BTAF1: variants seen among roughly 807,000 people sequenced by gnomAD.
BTAF1 encodes the protein TATA-binding protein-associated factor 172.
A neutral mutation model predicts 227.1 loss-of-function variants in BTAF1; 38 were observed. The observed-to-expected ratio is 0.17, with a 90% CI of 0.13 to 0.22. The LOEUF (loss-of-function observed/expected upper bound fraction) is 0.22, where lower values mean the gene tolerates loss of function less well. Ranked by LOEUF, BTAF1 falls within the 10% of genes least tolerant of loss-of-function variation. BTAF1 has a pLI of 1.00. For missense variants in BTAF1, 1,598 were observed against 2,204.0 expected, an observed-to-expected ratio of 0.73 and a Z score of 5.51; for synonymous variants, 742 against 751.9, an observed-to-expected ratio of 0.99 and a Z score of 0.21.
At chr10:92,010,335 TTCAAC>T (rs1439669543) in intron 28 of BTAF1, among the ~76,000 whole-genome samples, 3 of 152,190 alleles carry the variant, frequency 2.0e-5, no homozygotes, top group Non-Finnish European at 2.9e-5. Flanking sequence ...GTGATAGAAA[TTCAAC>T]TCAATTCTCA....
At chr10:91,941,744 T>A (rs1845015393) in intron 3 of BTAF1, among the ~76,000 whole-genome samples, 1 of 152,220 alleles carries the variant, frequency 6.6e-6, no homozygotes, top group Admixed American at 6.5e-5. Context: ...ACCTTAGTAT[T>A]TTTAAACTCT....
intron 21 of BTAF1, among the ~76,000 whole-genome samples, chr10:91,993,205 A>T (rs926785665): frequency 1.8e-4 from 28 of 152,312 alleles, no homozygotes; most frequent in African/African-American, 2.4e-4. Context: ...ACATAATTTT[A>T]AAAATATAAA....
intron 1 of BTAF1, among the ~76,000 whole-genome samples, chr10:91,934,331 T>C (rs1368373590): frequency 6.6e-6 from 1 of 151,992 alleles, no homozygotes; most frequent in Non-Finnish European, 1.5e-5. Context: ...GCCTCCCGGA[T>C]TCAGAAGCAA....
At chr10:91,957,848 C>T (rs556146492) in intron 8 of BTAF1, among the ~76,000 whole-genome samples, 24 of 152,302 alleles carry the variant, frequency 1.6e-4, no homozygotes, top group African/African-American at 5.8e-4. Flanking sequence ...AGTCATAACT[C>T]ATGGGGTGTT....
intron 34 of BTAF1, among the ~76,000 whole-genome samples, chr10:92,023,776 C>T (rs544056544): frequency 1.3e-5 from 2 of 152,242 alleles, no homozygotes; most frequent in Admixed American, 6.5e-5. Flanking sequence ...GCTGGGACTA[C>T]AGGTGCATGC....
intron 25 of BTAF1, among the ~76,000 whole-genome samples, chr10:92,005,023 T>A (rs1849784843): frequency 6.6e-6 from 1 of 152,222 alleles, no homozygotes; most frequent in Admixed American, 6.5e-5. Flanking sequence ...CCTTGTGTGT[T>A]CTTTTGTCAA....
At chr10:92,000,065 C>T (rs537723086) in intron 25 of BTAF1, among the ~76,000 whole-genome samples, 5 of 152,122 alleles carry the variant, frequency 3.3e-5, no homozygotes, top group East Asian at 3.9e-4. Context: ...TAAACTGTTT[C>T]TTAGATTATT....
chr10:92,028,776 C>A lies in BTAF1; in HGVS notation c.5407-14C>A. On this transcript the variant is annotated splice_polypyrimidine_tract_variant and intron_variant, in intron 37 of 37. Transcript: ENST00000265990. ...CTCATTTTATTTTTTTTTTTTTTGC[C>A]AATTTTTCTTAAGGATGGCAAAGCA... 1 of 1,500,974 alleles carries A rather than the reference C, an allele frequency of 6.7e-7. No homozygotes were observed. The highest frequency in any genetic ancestry group is 1.3e-5 in the South Asian group (1 of 74,722). 93.0% of individuals were successfully genotyped at this position (1,500,974 alleles called of 1,614,324 possible).
intron 1 of BTAF1, 150 bp from the exon 2 acceptor site, chr10:91,935,507 C>A: frequency 1.3e-6 from 1 of 760,884 alleles, no homozygotes; most frequent in Non-Finnish European, 1.9e-6. Context: ...CTTTCTGTGT[C>A]TGGCTTATTT....
rs751727866 is a variant in BTAF1 at position 92,008,279 on chromosome 10, A to G, written c.3813+4A>G. ...TGAACTCAGAAAATATCAGCAGGTA[A>G]GTTTTATACAATAGTGAGTTTTCCT... On this transcript the variant is annotated splice_donor_region_variant and intron_variant, in intron 26 of 37. Transcript: ENST00000265990. 3 of 1,564,550 alleles carry G rather than the reference A, an allele frequency of 1.9e-6. No individual in the cohort carries two copies. The highest frequency in any genetic ancestry group is 2.6e-6 in the Non-Finnish European group (3 of 1,165,570).
At chr10:91,997,483 C>A in intron 24 of BTAF1, 120 bp from the exon 25 acceptor site, 2 of 846,392 alleles carry the variant, frequency 2.4e-6, no homozygotes, top group Non-Finnish European at 3.6e-6. Context: ...TCAGTCTTTT[C>A]CCTCATAATA....
Position 91,950,148 on chromosome 10 carries a change from TG to T in BTAF1, c.401-1246del, listed in dbSNP as rs368819509. 4.0e-3 allele frequency among the ~76,000 whole-genome samples: 98 copies of T among 24,426 alleles called. 2 individuals are homozygous for T. The highest frequency in any genetic ancestry group is 9.7e-3 in the African/African-American group (92 of 9,494). The allele number at this position is 24,426 out of a possible 152,430, so 16.0% of individuals were successfully genotyped here. A position where few individuals can be genotyped will look rare whatever the true frequency, so the allele number is the denominator to read the frequency against. On this transcript the variant is annotated intron_variant, in intron 4 of 37. Transcript: ENST00000265990. ...TCAGAGTGAGAGACCTTGTCCTTTGTGGGGGGGGGCGGGAAAGAAGACTAGG... is the reference window on the plus strand; with the variant it reads ...TCAGAGTGAGAGACCTTGTCCTTTGTGGGGGGGGCGGGAAAGAAGACTAGG...
Position 92,012,067 on chromosome 10 carries a change from C to T in BTAF1, c.4311+652C>T, listed in dbSNP as rs1005366549. ...CTTTATGTACTTACCTACTCTTTCT[C>T]TCTCTCCCTCCTTCCCTCCCTCCCT... On this transcript the variant is annotated intron_variant, in intron 30 of 37. Transcript: ENST00000265990. Among the ~76,000 whole-genome samples the T allele has an allele frequency of 4.1e-4, 58 of 140,826 alleles. 1 individual carries two copies. The highest frequency in any genetic ancestry group is 1.5e-3 in the African/African-American group (57 of 37,386). The allele number at this position is 140,826 out of a possible 152,430, so 92.4% of individuals were successfully genotyped here.
rs1051540951 is a variant in BTAF1, at chr10:91,957,135, A to G, written c.832-90A>G. 31 of 1,003,276 alleles carry G rather than the reference A, an allele frequency of 3.1e-5. No individual in the cohort carries two copies. In the East Asian group the frequency reaches 7.7e-4, roughly 25 times the overall value. The allele number at this position is 1,003,276 out of a possible 1,614,324, so 62.1% of individuals were successfully genotyped here. A position where few individuals can be genotyped will look rare whatever the true frequency, so the allele number is the denominator to read the frequency against. ...TTTTAAAAGCCTGATTGCTACTACT[A>G]GACCTAGAAATAAAATTTATTAAGT... is the stretch of plus-strand genomic sequence containing the variant. On this transcript the variant is annotated intron_variant, in intron 7 of 37. Transcript: ENST00000265990.
intron 19 of BTAF1, among the ~76,000 whole-genome samples, chr10:91,986,742 C>T (rs1848419081): frequency 6.6e-6 from 1 of 152,078 alleles, no homozygotes; most frequent in Non-Finnish European, 1.5e-5. Flanking sequence ...TCAAATGGCC[C>T]CTTCTTTAAG....
At chr10:91,999,783 G>A (rs1849388507) in intron 25 of BTAF1, among the ~76,000 whole-genome samples, 1 of 152,154 alleles carries the variant, frequency 6.6e-6, no homozygotes, top group Admixed American at 6.5e-5. Flanking sequence ...CTGTTATACT[G>A]CAAGAAGACA....
At chr10:92,027,896 T>C (rs1851631812) in intron 37 of BTAF1, among the ~76,000 whole-genome samples, 1 of 152,198 alleles carries the variant, frequency 6.6e-6, no homozygotes, top group African/African-American at 2.4e-5. Context: ...GCATACTTAG[T>C]ATAAATTATG....
At chr10:91,959,486 C>G (rs1417685241) in intron 9 of BTAF1, among the ~76,000 whole-genome samples, 1 of 151,694 alleles carries the variant, frequency 6.6e-6, no homozygotes, top group Non-Finnish European at 1.5e-5. Flanking sequence ...ATAATACAAT[C>G]CATGAATTTT....
chr10:92,030,894 CTTAA>C lies in BTAF1; in HGVS notation c.*1966_*1969del, dbSNP rs202027653. Among the ~76,000 whole-genome samples the C allele has an allele frequency of 8.9e-4, 136 of 152,160 alleles. 1 individual carries two copies. Among genetic ancestry groups the C allele is most frequent in the African/African-American group, 3.2e-3 (131 of 41,528 alleles). ...TGTAAACAGGTAAGAACTAAGTATT[CTTAA>C]TTAAATGACCCAGTCATTGTAGTAC... On this transcript the variant is annotated 3_prime_UTR_variant, in exon 38 of 38. Transcript: ENST00000265990.
Sources: gnomAD v4.1 joint callset for allele counts (sites outside exome capture counted in the v4.1 genomes callset) on GRCh38, gnomAD v4.1.1 for gene constraint, MANE v1.5 for transcripts, NCBI Gene and HGNC (gene_info 2026-07-23, HGNC 2026-07-21) for gene names.